The following SULT1A1 variants were observed in gnomAD, a reference collection of about 807,000 sequenced individuals.
SULT1A1 encodes sulfotransferase 1A1.
A neutral mutation model predicts 36.8 loss-of-function variants in SULT1A1; 35 were observed. The observed-to-expected ratio is 0.95, with a 90% CI of 0.73 to 1.26. SULT1A1 has a LOEUF of 1.26. Ranked by LOEUF, SULT1A1 falls within the 50% of genes most tolerant of loss-of-function variation. The pLI is 0.00. For missense variants in SULT1A1, 309 were observed against 383.0 expected (o/e 0.81, Z 1.61); for synonymous variants, 119 against 146.0 (o/e 0.82, Z 1.33).
Position 28,606,847 on chromosome 16 carries a change from C to T in SULT1A1, c.508G>A (p.Gly170Arg), listed in dbSNP as rs771144668. 18 of 1,612,362 alleles carry T rather than the reference C, an allele frequency of 1.1e-5. No homozygotes were observed. The highest frequency in any genetic ancestry group is 4.5e-5 in the East Asian group (2 of 44,892). Residue 170 changes from glycine (G) to arginine (R), a missense_variant, in exon 6 of 8, where the codon GGA (glycine) becomes AGA (arginine). Around this residue, in one of 3 missense-constraint regions of SULT1A1, gnomAD observed 219 missense variants for 215.3 expected, o/e 1.02. Transcript: ENST00000314752. ...TCCTGCACGTGCTGGTACCAGGATC[C>T]GTAGGACACTGGAGAAGCAGGCAAG... The part of the protein sequence containing the change: ...EKFMVGEVSY[G>R]SWYQHVQEWW...
In SULT1A1 at chr16:28,607,039, A is replaced by G. The variant is rs766979489; in HGVS notation, c.411T>C (p.Val137=). 3 of 1,612,398 alleles carry G rather than the reference A, an allele frequency of 1.9e-6. No individual in the cohort carries two copies. In the African/African-American group the frequency reaches 4.0e-5, roughly 22 times the overall value. The change falls in exon 5 of 8, where the codon GTT becomes GTC. Residue 137 remains valine (V), a synonymous_variant. Transcript: ENST00000314752. ...CCATGTGGTAGAAGTGGTAGTAGGAAACTGCCACATCCTTTGCGTTGCGGG... is the reference window on the plus strand; with the variant it reads ...CCATGTGGTAGAAGTGGTAGTAGGAGACTGCCACATCCTTTGCGTTGCGGG... The part of the protein sequence containing the change: ...YVARNAKDVA[V]SYYHFYHMAK...
chr16:28,623,112 TC>T (rs368920328), intron 1 of SULT1A1: 20,121 of 1,024,864 alleles, frequency 0.02, 262 homozygotes, highest in Non-Finnish European at 0.021. Context: ...CCCCCCAGGT[TC>T]CCCCCCCGGC....
At chr16:28,607,376 G>T (rs2047244586) in intron 4 of SULT1A1, 2 of 428,602 alleles carry the variant, frequency 4.7e-6, no homozygotes, top group Non-Finnish European at 8.5e-6. Flanking sequence ...TTGTGGGCCT[G>T]TGAGGACCCA....
Position 28,605,872 on chromosome 16 carries a change from G to C in SULT1A1, c.837C>G (p.Asp279Glu). Reference protein sequence around the residue: ...TVAQNERFDADYAEKMAGCSL... With the variant: ...TVAQNERFDAEYAEKMAGCSL... ...TGCAGCCTGCCATCTTCTCCGCATA[G>C]TCCGCATCGAAGCGCTCATTCTGCG... is the stretch of plus-strand genomic sequence containing the variant. The change falls in exon 8 of 8, where the codon GAC becomes GAG. Residue 279 changes from aspartate to glutamate, a missense_variant. Transcript: ENST00000314752. 1 of 1,609,848 alleles carries C rather than the reference G, an allele frequency of 6.2e-7. No individual in the cohort carries two copies. The highest frequency in any genetic ancestry group is 8.5e-7 in the Non-Finnish European group (1 of 1,178,276).
intron 1 of SULT1A1, among the ~76,000 whole-genome samples, chr16:28,621,700 G>A (rs2047659482): frequency 6.6e-6 from 1 of 151,920 alleles, no homozygotes; most frequent in Admixed American, 6.6e-5. Flanking sequence ...AAAACAGGAG[G>A]CCCTAGCTCC....
intron 4 of SULT1A1, chr16:28,607,920 C>T (rs56326379): frequency 0.044 from 6,913 of 157,398 alleles, 117 homozygotes; most frequent in East Asian, 0.17. Flanking sequence ...CCAATTTGGC[C>T]TCCCAAAGTG....
chr16:28,608,862 G>A lies in SULT1A1; in HGVS notation c.-4-3C>T, dbSNP rs2047336664. 1.2e-6 allele frequency: 2 copies of A among 1,611,506 alleles called. No individual in the cohort carries two copies. The highest frequency in any genetic ancestry group is 1.3e-5 in the African/African-American group (1 of 74,970). On this transcript the variant is annotated splice_polypyrimidine_tract_variant and splice_region_variant and intron_variant, in intron 1 of 7. Coordinates refer to ENST00000314752, the MANE Select transcript of SULT1A1 (RefSeq NM_001055.4). ...TGTCCTGGATCAGCTCCATGTTCCT[G>A]CGTCAGGGGCCAGAGCCAGGCCCGT...
intron 2 of SULT1A1, among the ~76,000 whole-genome samples, chr16:28,615,268 T>C (rs1377985395): frequency 1.7e-5 from 2 of 115,726 alleles, no homozygotes; most frequent in Non-Finnish European, 4.0e-5. Flanking sequence ...GCCCTGCCCC[T>C]GTCCTCCACA....
intron 6 of SULT1A1, 43 bp downstream of exon 6, chr16:28,606,718 C>G (rs780554364): frequency 1.9e-6 from 3 of 1,604,746 alleles, no homozygotes. Flanking sequence ...GAGGTGCCTG[C>G]CCCCAGGAGT....
rs2047636318 is a variant in SULT1A1, at chr16:28,620,811, T to C, written c.68-678A>G. Among the ~76,000 whole-genome samples, 4 of 152,062 alleles carry C rather than the reference T, an allele frequency of 2.6e-5. No individual in the cohort carries two copies. The South Asian group carries it at 8.3e-4, about 31-fold the overall frequency. ...ACATTTTGAAATTTTAATTTCTATC[T>C]TTTAAAAAAAGCTAGTGGGCTGGGC... On this transcript the variant is annotated intron_variant, in intron 1 of 5. Transcript: ENST00000350842.
At position 28,609,782 on chromosome 16, in the gene SULT1A1, G is replaced by A. The variant is rs1276206624; in HGVS notation, c.-5+149C>T. ...GGAAAAAAACAAACAAACAAGGGAA[G>A]GGAGGGGGATTCACGCAGGCCAGGG... On this transcript the variant is annotated intron_variant, in intron 1 of 7. Coordinates refer to ENST00000314752, the MANE Select transcript of SULT1A1 (RefSeq NM_001055.4). 4 of 911,776 alleles carry A rather than the reference G, an allele frequency of 4.4e-6. No individual in the cohort carries two copies. In the African/African-American group the frequency reaches 5.1e-5, roughly 12 times the overall value. 56.5% of individuals were successfully genotyped at this position (911,776 alleles called of 1,614,324 possible).
intron 1 of SULT1A1, among the ~76,000 whole-genome samples, chr16:28,620,402 T>TA (rs2047628075): frequency 6.6e-6 from 1 of 151,572 alleles, no homozygotes; most frequent in Admixed American, 6.6e-5. Context: ...CTCATCTCTA[T>TA]AAAAAATACA....
At chr16:28,609,449 G>C in intron 1 of SULT1A1, 1 of 1,242,228 alleles carries the variant, frequency 8.1e-7, no homozygotes, top group Non-Finnish European at 1.1e-6. Flanking sequence ...CTGTGGGAAT[G>C]AACAAAACTC....
At chr16:28,606,028 C>T (rs751267404) in intron 7 of SULT1A1, 28 bp downstream of exon 7, 4 of 1,605,492 alleles carry the variant, frequency 2.5e-6, no homozygotes, top group Admixed American at 3.3e-5. Context: ...CCCACCCGCC[C>T]CAAACCCCCG....
chr16:28,607,354 C>T (rs1354997783), intron 4 of SULT1A1: 8 of 519,588 alleles, frequency 1.5e-5, no homozygotes, highest in South Asian at 7.6e-5. Flanking sequence ...GTGATCCCAC[C>T]GCCACCAAAT....
chr16:28,622,592 C>T (rs1218570041), intron 1 of SULT1A1, among the ~76,000 whole-genome samples: 4 of 152,278 alleles, frequency 2.6e-5, no homozygotes, highest in Non-Finnish European at 5.9e-5. Flanking sequence ...TCAGATTCCA[C>T]CTGCTCTGCC....
intron 1 of SULT1A1, 92 bp downstream of exon 1, chr16:28,609,839 G>A: frequency 4.3e-6 from 5 of 1,174,420 alleles, no homozygotes; most frequent in South Asian, 1.5e-5. Flanking sequence ...TGGGGAAAGG[G>A]CAGGGATGCC....
chr16:28,617,543 CTT>C (rs1047546330), intron 2 of SULT1A1, among the ~76,000 whole-genome samples: 1 of 146,738 alleles, frequency 6.8e-6, no homozygotes. Flanking sequence ...CTTTTCTTTT[CTT>C]TTTTTTTTTC....
chr16:28,610,727 G>C (rs973688556), upstream of SULT1A1: 1 of 153,672 alleles, frequency 6.5e-6, no homozygotes, highest in Non-Finnish European at 1.5e-5. Context: ...GTGGCAGGTG[G>C]TTTTATTTCC....
Sources: allele counts gnomAD v4.1 joint callset (sites outside exome capture counted in the v4.1 genomes callset), GRCh38; gene constraint gnomAD v4.1.1; regional missense constraint gnomAD v4.1.1; transcripts MANE v1.5; gene names NCBI Gene and HGNC (gene_info 2026-07-23, HGNC 2026-07-21).